KANSL2: variants seen among roughly 807,000 people sequenced by gnomAD.
The protein encoded by KANSL2 is NSL complex protein NSL2.
KANSL2 carries 34 observed loss-of-function variants against 55.6 expected under a neutral mutation model. The ratio of observed to expected loss-of-function variants is 0.61; its 90% CI spans 0.46 to 0.81. KANSL2 has a LOEUF of 0.81. Among genes scored for constraint, KANSL2 ranks in the 40% least tolerant of loss-of-function variants. The pLI, the probability that KANSL2 is intolerant of heterozygous loss-of-function variation, is 0.00. For synonymous variants in KANSL2, 209 were observed against 214.3 expected (o/e 0.98, Z 0.22); for missense variants, 502 against 609.9 (o/e 0.82, Z 1.86).
intron 7 of KANSL2, among the ~76,000 whole-genome samples, chr12:48,665,023 T>C (rs1939567846): frequency 6.6e-6 from 1 of 151,496 alleles, no homozygotes; most frequent in African/African-American, 2.4e-5. Flanking sequence ...TCACATGCCA[T>C]CGTGACCAGA....
chr12:48,679,116 G>A lies in KANSL2; in HGVS notation c.465C>T (p.Pro155=). ...CTCTCCATGTCTGATCCACAGTAAT[G>A]GGTTCCTGCTCCCCATCACTCCAGC... ...EDSWSDGEQE[P]ITVDQTWRGD... is the part of the protein sequence containing the mutation. Residue 155 remains proline (P), a synonymous_variant, in exon 4 of 10, where the codon CCC becomes CCT. Coordinates refer to ENST00000420613, the MANE Select transcript of KANSL2 (RefSeq NM_017822.4). The A allele has an allele frequency of 6.2e-7, 1 of 1,613,838 alleles. No homozygotes were observed.
At chr12:48,676,970 A>G (rs1939832792) in intron 4 of KANSL2, among the ~76,000 whole-genome samples, 1 of 152,194 alleles carries the variant, frequency 6.6e-6, no homozygotes, top group Non-Finnish European at 1.5e-5. Flanking sequence ...ATTCTTAATG[A>G]AAAGAATTTT....
chr12:48,666,436 T>C (rs1939601893), intron 7 of KANSL2, among the ~76,000 whole-genome samples: 1 of 150,726 alleles, frequency 6.6e-6, no homozygotes, highest in South Asian at 2.1e-4. Context: ...CTCATGCCTG[T>C]AATCCCAACA....
chr12:48,662,365 A>G (rs1206544974), intron 7 of KANSL2, among the ~76,000 whole-genome samples: 1 of 152,204 alleles, frequency 6.6e-6, no homozygotes, highest in Non-Finnish European at 1.5e-5. Flanking sequence ...TCAGCCTCCC[A>G]AAGTGTTGGG....
At position 48,660,377 on chromosome 12, in the gene KANSL2, C is replaced by G. The variant is rs1939464976; in HGVS notation, c.1216G>C (p.Glu406Gln). ...CTTCTCTAACTTACATCACTGAACT[C>G]CAGAGGTAAACTCTCAGTGGGCTGA... ...ELQPTESLPL[E>Q]FSDDLDVVGD... Residue 406 changes from glutamate (E) to glutamine (Q), a missense_variant, in exon 8 of 10, where the codon GAG becomes CAG. By Grantham distance (29) the Glu-to-Gln change is conservative. Transcript: ENST00000420613. The G allele has an allele frequency of 6.2e-7, 1 of 1,613,706 alleles. No homozygotes were observed. The highest frequency in any genetic ancestry group is 1.3e-5 in the African/African-American group (1 of 74,916).
At chr12:48,667,642 TA>T (rs771229112) in intron 7 of KANSL2, 50 bp downstream of exon 7, 15 of 1,369,074 alleles carry the variant, frequency 1.1e-5, no homozygotes, top group African/African-American at 2.9e-5. Flanking sequence ...AGATTCCCAC[TA>T]GTCTTCAAAC....
chr12:48,672,425 A>C (rs868633421), intron 4 of KANSL2, among the ~76,000 whole-genome samples: 1 of 111,320 alleles, frequency 9.0e-6, no homozygotes, highest in Non-Finnish European at 1.9e-5. Context: ...ATATATATAT[A>C]TATATATATT....
At chr12:48,676,761 A>T (rs1339064886) in intron 4 of KANSL2, among the ~76,000 whole-genome samples, 1 of 152,182 alleles carries the variant, frequency 6.6e-6, no homozygotes, top group Non-Finnish European at 1.5e-5. Flanking sequence ...CTTTGAGGGA[A>T]ATCATATATA....
Position 48,679,978 on chromosome 12 carries a change from C to T in KANSL2, c.252-145G>A, listed in dbSNP as rs908791455. On this transcript the variant is annotated intron_variant, in intron 2 of 9. Coordinates refer to ENST00000420613, the MANE Select transcript of KANSL2 (RefSeq NM_017822.4). ...AAAAATGCAAGTCAGAGGAATTTAACTGGCCCAAGGTCAACTCATTTGACT... is the reference window on the plus strand; with the variant it reads ...AAAAATGCAAGTCAGAGGAATTTAATTGGCCCAAGGTCAACTCATTTGACT... The T allele has an allele frequency of 1.4e-5, 10 of 710,594 alleles. No homozygotes were observed. In the East Asian group the frequency reaches 2.2e-4, roughly 16 times the overall value. The allele number at this position is 710,594 out of a possible 1,614,324, so 44.0% of individuals were successfully genotyped here.
At chr12:48,679,539 C>A (rs1939882804) in intron 3 of KANSL2, 116 bp downstream of exon 3, 1 of 814,754 alleles carries the variant, frequency 1.2e-6, no homozygotes, top group East Asian at 2.7e-5. Flanking sequence ...AGCATTCTCA[C>A]CAAATTCCTG....
At chr12:48,654,800 A>G (rs553838883) in intron 9 of KANSL2, 141 bp downstream of exon 9, 20 of 837,208 alleles carry the variant, frequency 2.4e-5, no homozygotes, top group Non-Finnish European at 3.3e-5. Flanking sequence ...ATGGTATTCA[A>G]TAAGTGAGAG....
In KANSL2 at chr12:48,679,138, C is replaced by A; in HGVS notation, c.443G>T (p.Trp148Leu). 6.2e-7 allele frequency: 1 copy of A among 1,612,822 alleles called. No individual in the cohort carries two copies. Among genetic ancestry groups the A allele is most frequent in the Non-Finnish European group, 8.5e-7 (1 of 1,179,034 alleles). Residue 148 changes from tryptophan (W) to leucine (L), a missense_variant, in exon 4 of 10, where the codon TGG becomes TTG. By Grantham distance (61) the Trp-to-Leu change is moderately conservative. Coordinates refer to ENST00000420613, the MANE Select transcript of KANSL2 (RefSeq NM_017822.4). ...AATGGGTTCCTGCTCCCCATCACTCCAGCTGTCTTCATCTGAGGCAAGGAA... is the reference window on the plus strand; with the variant it reads ...AATGGGTTCCTGCTCCCCATCACTCAAGCTGTCTTCATCTGAGGCAAGGAA... ...EASRILDEDSWSDGEQEPITV... is the reference protein window; with the variant it reads ...EASRILDEDSLSDGEQEPITV...
intron 4 of KANSL2, among the ~76,000 whole-genome samples, chr12:48,678,315 C>T (rs552904452): frequency 2.0e-5 from 3 of 152,242 alleles, no homozygotes; most frequent in East Asian, 1.9e-4. Context: ...ACAACTCCTA[C>T]GGTGATGATG....
Position 48,665,236 on chromosome 12 carries a change from A to AC in KANSL2, c.973+2456dup, listed in dbSNP as rs1939572119. Among the ~76,000 whole-genome samples the AC allele has an allele frequency of 2.6e-5, 4 of 152,224 alleles. No homozygotes were observed. In the South Asian group the frequency reaches 8.3e-4, roughly 32 times the overall value. On this transcript the variant is annotated intron_variant, in intron 7 of 9. Transcript: ENST00000420613. ...ATAAAAATCAGCTTCCTGTCAAAAGACTAAGAAGAGGTTCTCCTTCTCCTC... is the reference window on the plus strand; with the variant it reads ...ATAAAAATCAGCTTCCTGTCAAAAGACCTAAGAAGAGGTTCTCCTTCTCCTC...
chr12:48,679,744 GTT>G lies in KANSL2; in HGVS notation c.339_340del (p.Glu113AspfsTer11). ...ATATGAGCTCAGCTGGCACAGGAGT[GTT>G]TCACCCACAGGCCCTGGGTTGGTCT... On this transcript the variant is annotated frameshift_variant, in exon 3 of 10. Transcript: ENST00000420613. LOFTEE classifies it high-confidence loss of function. 1 of 1,611,558 alleles carries G rather than the reference GTT, an allele frequency of 6.2e-7. No homozygotes were observed. Among genetic ancestry groups the G allele is most frequent in the Non-Finnish European group, 8.5e-7 (1 of 1,178,894 alleles).
chr12:48,670,378 T>C (rs1260778874), intron 5 of KANSL2, among the ~76,000 whole-genome samples: 1 of 152,094 alleles, frequency 6.6e-6, no homozygotes, highest in Non-Finnish European at 1.5e-5. Context: ...TCAGAAAGTA[T>C]TGCAGAAGAC....
In KANSL2 at chr12:48,653,611, T is replaced by TA. The variant is rs1939322627; in HGVS notation, c.*432dup. On this transcript the variant is annotated 3_prime_UTR_variant, in exon 10 of 10. Coordinates refer to ENST00000420613, the MANE Select transcript of KANSL2 (RefSeq NM_017822.4). ...GCCAGAGTTCACCAGGGAAAGGGGT[T>TA]AAAGACTGCCCAATTAAGTAGAGGT... 1 of 154,286 alleles carries TA rather than the reference T, an allele frequency of 6.5e-6. No individual in the cohort carries two copies. Among genetic ancestry groups the TA allele is most frequent in the Admixed American group, 6.5e-5 (1 of 15,324 alleles). The allele number at this position is 154,286 out of a possible 1,614,324, so 9.6% of individuals were successfully genotyped here.
At chr12:48,663,627 G>C (rs1198614072) in intron 7 of KANSL2, among the ~76,000 whole-genome samples, 1 of 151,962 alleles carries the variant, frequency 6.6e-6, no homozygotes, top group Non-Finnish European at 1.5e-5. Context: ...TTAATAAACA[G>C]TAAATATATT....
chr12:48,654,674 T>C (rs1939343368), intron 9 of KANSL2: 1 of 531,292 alleles, frequency 1.9e-6, no homozygotes, highest in Non-Finnish European at 3.5e-6. Context: ...ATGTATGTCC[T>C]ACTCTGGGAT....
Sources: gnomAD v4.1 joint callset for allele counts (sites outside exome capture counted in the v4.1 genomes callset) on GRCh38, gnomAD v4.1.1 for gene constraint, MANE v1.5 for transcripts, NCBI Gene and HGNC (gene_info 2026-07-23, HGNC 2026-07-21) for gene names.